Variants in ABCC4 observed in about 807,000 individuals in gnomAD.
The protein encoded by ABCC4 is ATP-binding cassette sub-family C member 4.
Under a neutral mutation model 168.5 loss-of-function variants are expected in ABCC4, and 102 were observed. That is an observed-to-expected ratio of 0.61 (90% CI 0.52 to 0.71). The LOEUF is 0.71. Ranked by LOEUF, ABCC4 falls within the 30% of genes least tolerant of loss-of-function variation. The pLI, the probability that ABCC4 is intolerant of heterozygous loss-of-function variation, is 0.00. For synonymous variants in ABCC4, 617 were observed against 590.7 expected, an observed-to-expected ratio of 1.04 and a Z score of -0.65; for missense variants, 1,402 against 1,605.8, an observed-to-expected ratio of 0.87 and a Z score of 2.17.
chr13:95,096,155 A>G, intron 20 of ABCC4: 1 of 644,000 alleles, frequency 1.6e-6, no homozygotes, highest in South Asian at 1.7e-5. Flanking sequence ...GAGACCAGCC[A>G]GGACAACACA....
rs556956618 is a variant in ABCC4, at chr13:95,223,668, A to T, written c.531+10942T>A. Among the ~76,000 whole-genome samples, 11 of 152,180 alleles carry T rather than the reference A, an allele frequency of 7.2e-5. No homozygotes were observed. In the East Asian group the frequency reaches 1.9e-3, roughly 27 times the overall value. On this transcript the variant is annotated intron_variant, in intron 4 of 30. Coordinates refer to ENST00000645237, the MANE Select transcript of ABCC4 (RefSeq NM_005845.5). ...AGGCGTCCGCCACCACACCCAGCTA[A>T]ATTTTGTATTTTTAGTAGAGATAGG... is the stretch of plus-strand genomic sequence containing the variant.
At chr13:95,185,475 C>T (rs1376896736) in intron 11 of ABCC4, among the ~76,000 whole-genome samples, 3 of 152,230 alleles carry the variant, frequency 2.0e-5, no homozygotes, top group African/African-American at 4.8e-5. Flanking sequence ...GCAAATACTA[C>T]TCACCTGATT....
chr13:95,109,198 C>A (rs2035116787), intron 20 of ABCC4, among the ~76,000 whole-genome samples: 1 of 152,166 alleles, frequency 6.6e-6, no homozygotes, highest in Non-Finnish European at 1.5e-5. Flanking sequence ...TGAGATGGGG[C>A]AAGTGAAATA....
rs568305391 is a variant in ABCC4, at chr13:95,059,370, T to C, written c.3366+3334A>G. ...ACCATGTTAAGGATTCTGCAAATGT[T>C]AGGAATTCTCACTACTTGTGTAACT... On this transcript the variant is annotated intron_variant, in intron 26 of 30. Coordinates refer to ENST00000645237, the MANE Select transcript of ABCC4 (RefSeq NM_005845.5). Among the ~76,000 whole-genome samples, 62 of 152,342 alleles carry C rather than the reference T, an allele frequency of 4.1e-4. No homozygotes were observed. In the South Asian group the frequency reaches 5.6e-3, roughly 14 times the overall value.
intron 20 of ABCC4, among the ~76,000 whole-genome samples, chr13:95,097,519 G>T (rs570484532): frequency 6.9e-6 from 1 of 145,460 alleles, no homozygotes; most frequent in East Asian, 2.1e-4. Flanking sequence ...AGATACTGAA[G>T]ATCCAGATAT....
intron 4 of ABCC4, among the ~76,000 whole-genome samples, chr13:95,221,714 A>C (rs2039315607): frequency 1.3e-5 from 2 of 152,170 alleles, no homozygotes; most frequent in Admixed American, 1.3e-4. Context: ...AAAATGTAAA[A>C]ATTTGCTATA....
chr13:95,231,524 C>T (rs1444102181), intron 4 of ABCC4, among the ~76,000 whole-genome samples: 1 of 152,150 alleles, frequency 6.6e-6, no homozygotes, highest in African/African-American at 2.4e-5. Flanking sequence ...CTGCCAGTGT[C>T]GCAGAGGGAC....
At chr13:95,176,668 T>C (rs2037714837) in intron 13 of ABCC4, among the ~76,000 whole-genome samples, 1 of 152,172 alleles carries the variant, frequency 6.6e-6, no homozygotes, top group Non-Finnish European at 1.5e-5. Flanking sequence ...GGTGCTTATC[T>C]TCTCTGTGGC....
chr13:95,170,871 AT>A (rs375082307), intron 13 of ABCC4, among the ~76,000 whole-genome samples: 37 of 151,876 alleles, frequency 2.4e-4, no homozygotes, highest in African/African-American at 8.0e-4. Context: ...AATAAGTGTA[AT>A]TTTTTTTCCT....
At chr13:95,143,834 T>C (rs2139487065) in intron 19 of ABCC4, among the ~76,000 whole-genome samples, 1 of 152,348 alleles carries the variant, frequency 6.6e-6, no homozygotes, top group East Asian at 1.9e-4. Context: ...AGTGATCATC[T>C]AGTTTGCAGA....
At chr13:95,198,763 G>A (rs972108010) in intron 8 of ABCC4, among the ~76,000 whole-genome samples, 20 of 152,270 alleles carry the variant, frequency 1.3e-4, no homozygotes, top group Admixed American at 3.3e-4. Context: ...ATACACTGTG[G>A]AATACTATGC....
chr13:95,292,246 C>A (rs1216882174), intron 1 of ABCC4, among the ~76,000 whole-genome samples: 3 of 152,102 alleles, frequency 2.0e-5, no homozygotes, highest in Non-Finnish European at 4.4e-5. Flanking sequence ...GTGGTCCCAG[C>A]TACTCAGGGG....
intron 26 of ABCC4, among the ~76,000 whole-genome samples, chr13:95,059,763 G>T (rs148231445): frequency 6.6e-5 from 10 of 152,094 alleles, no homozygotes; most frequent in African/African-American, 2.2e-4. Context: ...CTAGAATAGC[G>T]AGTAGCAATA....
At chr13:95,112,734 G>A (rs1345252166) in intron 20 of ABCC4, among the ~76,000 whole-genome samples, 1 of 152,058 alleles carries the variant, frequency 6.6e-6, no homozygotes, top group African/African-American at 2.4e-5. Flanking sequence ...GGTTGAGAAG[G>A]CCTCACTTTC....
intron 29 of ABCC4, among the ~76,000 whole-genome samples, chr13:95,040,377 A>G (rs893589512): frequency 3.3e-5 from 5 of 152,128 alleles, no homozygotes; most frequent in Non-Finnish European, 5.9e-5. Context: ...GATTACAGGC[A>G]CACGGCACCA....
chr13:95,074,318 C>T lies in ABCC4; in HGVS notation c.2813G>A (p.Trp938Ter), dbSNP rs1176739601. The change falls in exon 23 of 31, where the codon TGG becomes TAG. Residue 938 changes from tryptophan to a stop codon, truncating the protein, a stop_gained. Transcript: ENST00000645237. LOFTEE classifies it high-confidence loss of function. ...GCGGGACGTTGTCAAAAACAAGAAC[C>T]AAGCCTCTGAATTTGAGAACGGTAA... ...DAHQDLHSEA[W>*]FLFLTTSRWF... 1.2e-6 allele frequency: 2 copies of T among 1,610,768 alleles called. No homozygotes were observed. Among genetic ancestry groups the T allele is most frequent in the African/African-American group, 1.3e-5 (1 of 74,794 alleles).
chr13:95,291,225 C>T (rs965066808), intron 1 of ABCC4, among the ~76,000 whole-genome samples: 2 of 151,822 alleles, frequency 1.3e-5, no homozygotes, highest in Admixed American at 6.6e-5. Context: ...TGTGGTGGCC[C>T]GCACCTGTAG....
In ABCC4 at chr13:95,062,879, G is replaced by A. The variant is rs370651297; in HGVS notation, c.3211-20C>T. 4.0e-6 allele frequency: 6 copies of A among 1,495,472 alleles called. No individual in the cohort carries two copies. Among genetic ancestry groups the A allele is most frequent in the South Asian group, 2.5e-5 (2 of 80,212 alleles). 92.6% of individuals were successfully genotyped at this position (1,495,472 alleles called of 1,614,324 possible). On this transcript the variant is annotated intron_variant, in intron 25 of 30. Transcript: ENST00000645237. ...GCCAACCTACAGAGAGATCCAGGCG[G>A]CAGGATTAAAAAAAAAAAGAAAAAA...
chr13:95,175,718 C>T (rs2037655263), intron 13 of ABCC4, among the ~76,000 whole-genome samples: 4 of 152,182 alleles, frequency 2.6e-5, no homozygotes, highest in African/African-American at 9.7e-5. Flanking sequence ...TACAGAGACA[C>T]AAGGAGAAAA....
Sources: gnomAD v4.1 joint callset for allele counts (sites outside exome capture counted in the v4.1 genomes callset) on GRCh38, gnomAD v4.1.1 for gene constraint, MANE v1.5 for transcripts, NCBI Gene and HGNC (gene_info 2026-07-23, HGNC 2026-07-21) for gene names.